Variants in PELI1 observed in about 807,000 individuals in gnomAD.
The protein encoded by PELI1 is E3 ubiquitin-protein ligase pellino homolog 1.
PELI1 carries 15 observed loss-of-function variants against 41.3 expected under a neutral mutation model. The observed-to-expected ratio is 0.36, with a 90% CI of 0.24 to 0.56. The LOEUF is 0.56. PELI1 is among the 20% of genes least tolerant of loss of function. The probability of loss-of-function intolerance (pLI) is 0.82; values close to 1 mark genes in which losing one functional copy is unlikely to be tolerated. For missense variants in PELI1, 403 were observed against 525.5 expected (o/e 0.77, Z 2.28); for synonymous variants, 178 against 180.1 (o/e 0.99, Z 0.09).
chr2:64,134,775 C>T lies in PELI1; in HGVS notation c.-70+9306G>A, dbSNP rs58821340. Among the ~76,000 whole-genome samples, 20 of 152,186 alleles carry T rather than the reference C, an allele frequency of 1.3e-4. No homozygotes were observed. In the East Asian group the frequency reaches 3.7e-3, roughly 28 times the overall value. On this transcript the variant is annotated intron_variant, in intron 1 of 6. Transcript: ENST00000358912. Reference sequence around the variant, plus strand: ...AAACCCAGAGGAACATGAAATACTACGGATAGTATCTGCCAAGAACCAGGA... The same window carrying T: ...AAACCCAGAGGAACATGAAATACTATGGATAGTATCTGCCAAGAACCAGGA...
At chr2:64,095,383 T>C in intron 6 of PELI1, 115 bp from the exon 7 acceptor site, 2 of 641,106 alleles carry the variant, frequency 3.1e-6, no homozygotes, top group Middle Eastern at 2.6e-4. Flanking sequence ...GGATTTTCAC[T>C]AAATATTCAA....
At chr2:64,117,954 T>G (rs758504857) in intron 1 of PELI1, among the ~76,000 whole-genome samples, 13 of 151,830 alleles carry the variant, frequency 8.6e-5, no homozygotes, top group African/African-American at 2.9e-4. Context: ...GGACTACAGG[T>G]GCATGCCACC....
At chr2:64,123,465 A>G (rs1681289545) in intron 1 of PELI1, among the ~76,000 whole-genome samples, 1 of 152,238 alleles carries the variant, frequency 6.6e-6, no homozygotes, top group South Asian at 2.1e-4. Context: ...AGGTCTCATA[A>G]CTCAATAAAA....
At chr2:64,099,897 CT>C (rs1211517525) in intron 4 of PELI1, among the ~76,000 whole-genome samples, 1 of 152,110 alleles carries the variant, frequency 6.6e-6, no homozygotes, top group Non-Finnish European at 1.5e-5. Flanking sequence ...CAAATACATG[CT>C]GAGAAAAAGG....
chr2:64,125,669 T>C (rs1366350837), intron 1 of PELI1, among the ~76,000 whole-genome samples: 2 of 152,204 alleles, frequency 1.3e-5, no homozygotes, highest in East Asian at 1.9e-4. Context: ...TTTGGTTAAA[T>C]AGCTAGAAGT....
chr2:64,122,373 A>G (rs1681254217), intron 1 of PELI1, among the ~76,000 whole-genome samples: 1 of 151,820 alleles, frequency 6.6e-6, no homozygotes, highest in Non-Finnish European at 1.5e-5. Flanking sequence ...TCCAGAAAAA[A>G]AAACGAACAA....
At chr2:64,127,140 A>G (rs1342047348) in intron 1 of PELI1, among the ~76,000 whole-genome samples, 1 of 152,258 alleles carries the variant, frequency 6.6e-6, no homozygotes, top group African/African-American at 2.4e-5. Flanking sequence ...ATTAATTTGT[A>G]AAAGTCCAGG....
intron 1 of PELI1, among the ~76,000 whole-genome samples, chr2:64,130,338 AATATGTAATAAAT>A (rs1197464327): frequency 6.6e-6 from 1 of 152,154 alleles, no homozygotes; most frequent in Non-Finnish European, 1.5e-5. Context: ...AATGAAACTG[AATATGTAATAAAT>A]ACTCAGCAAA....
intron 1 of PELI1, among the ~76,000 whole-genome samples, chr2:64,140,243 T>A (rs985878484): frequency 2.0e-5 from 3 of 152,346 alleles, no homozygotes; most frequent in South Asian, 2.1e-4. Flanking sequence ...TTAATTTTTT[T>A]AAAAACTACA....
intron 1 of PELI1, among the ~76,000 whole-genome samples, chr2:64,118,572 A>AT (rs1278569157): frequency 6.6e-6 from 1 of 152,196 alleles, no homozygotes; most frequent in African/African-American, 2.4e-5. Flanking sequence ...ACAAGTATTC[A>AT]TTTTTTAGCA....
At chr2:64,124,381 C>T (rs899475120) in intron 1 of PELI1, among the ~76,000 whole-genome samples, 1 of 152,154 alleles carries the variant, frequency 6.6e-6, no homozygotes, top group Non-Finnish European at 1.5e-5. Context: ...CTGCTATAGA[C>T]TCAAGGTTCA....
At chr2:64,142,703 G>A (rs1184097859) in intron 1 of PELI1, among the ~76,000 whole-genome samples, 2 of 152,102 alleles carry the variant, frequency 1.3e-5, no homozygotes, top group Admixed American at 6.5e-5. Flanking sequence ...AAAACGCATC[G>A]TAAACTGAAA....
chr2:64,108,486 CA>C, intron 1 of PELI1, 107 bp from the exon 2 acceptor site: 2 of 563,914 alleles, frequency 3.5e-6, no homozygotes, highest in Admixed American at 3.2e-5. Flanking sequence ...CAAACCATCA[CA>C]AGGTATATAC....
At chr2:64,114,491 G>A (rs1007776567) in intron 1 of PELI1, among the ~76,000 whole-genome samples, 1 of 152,292 alleles carries the variant, frequency 6.6e-6, no homozygotes, top group Non-Finnish European at 1.5e-5. Context: ...CAGCAGTGGA[G>A]GAAGTGAAGT....
Position 64,095,006 on chromosome 2 carries a change from T to C in PELI1, c.953A>G (p.His318Arg), listed in dbSNP as rs1309640650. The change falls in exon 7 of 7, where the codon CAT becomes CGT. Residue 318 changes from histidine (H) to arginine (R), a missense_variant. His to Arg is a conservative substitution (Grantham distance 29, BLOSUM62 0). Transcript: ENST00000358912. ...YLNCGHVHGY[H>R]NWGNKEERDG... ...ACGTTCTTCTTTGTTTCCCCAGTTA[T>C]GATAGCCATGTACATGGCCGCAGTT... 2 of 1,614,238 alleles carry C rather than the reference T, an allele frequency of 1.2e-6. No homozygotes were observed. Among genetic ancestry groups the C allele is most frequent in the South Asian group, 1.1e-5 (1 of 91,088 alleles).
At chr2:64,127,426 A>G (rs17028475) in intron 1 of PELI1, among the ~76,000 whole-genome samples, 3,564 of 152,266 alleles carry the variant, frequency 0.023, 119 homozygotes, top group African/African-American at 0.079. Context: ...ATTTGTTGGG[A>G]TACCATGCTT....
chr2:64,136,660 C>G (rs1370115272), intron 1 of PELI1, among the ~76,000 whole-genome samples: 1 of 152,202 alleles, frequency 6.6e-6, no homozygotes, highest in African/African-American at 2.4e-5. Context: ...AATTCCAGCA[C>G]TCTGGGAGGC....
At chr2:64,119,391 G>A (rs747914246) in intron 1 of PELI1, among the ~76,000 whole-genome samples, 9 of 152,096 alleles carry the variant, frequency 5.9e-5, no homozygotes, top group South Asian at 2.1e-4. Context: ...CTGTTTCATC[G>A]TTAGCACCAC....
chr2:64,112,150 A>T (rs1231959102), intron 1 of PELI1, among the ~76,000 whole-genome samples: 2 of 152,358 alleles, frequency 1.3e-5, no homozygotes, highest in African/African-American at 4.8e-5. Flanking sequence ...AAATAGAATT[A>T]GTAAGTGCAC....
Sources: allele counts gnomAD v4.1 joint callset (sites outside exome capture counted in the v4.1 genomes callset), GRCh38; gene constraint gnomAD v4.1.1; transcripts MANE v1.5; gene names NCBI Gene and HGNC (gene_info 2026-07-23, HGNC 2026-07-21).